Variants in LANCL2 observed in about 807,000 individuals in gnomAD.
LANCL2 encodes the protein lanC-like protein 2.
Under a neutral mutation model 56.9 loss-of-function variants are expected in LANCL2, and 33 were observed. The observed-to-expected ratio is 0.58, with a 90% CI of 0.44 to 0.78. The LOEUF is 0.78. LANCL2 is among the 30% of genes least tolerant of loss of function. The probability of loss-of-function intolerance (pLI) is 0.00; values close to 1 mark genes in which losing one functional copy is unlikely to be tolerated. For synonymous variants in LANCL2, 233 were observed against 228.2 expected (o/e 1.02, Z -0.19); for missense variants, 562 against 580.2 (o/e 0.97, Z 0.32).
intron 6 of LANCL2, among the ~76,000 whole-genome samples, chr7:55,413,100 G>T (rs1404217511): frequency 6.6e-6 from 1 of 152,198 alleles, no homozygotes; most frequent in African/African-American, 2.4e-5. Context: ...AACTCAGAAA[G>T]TTACGACGTT....
intron 1 of LANCL2, among the ~76,000 whole-genome samples, chr7:55,375,589 C>T (rs965520891): frequency 3.3e-5 from 5 of 152,148 alleles, no homozygotes; most frequent in Non-Finnish European, 5.9e-5. Flanking sequence ...TGTATTTTTC[C>T]GTTGTTGCCA....
chr7:55,405,715 A>C (rs1790398689), intron 5 of LANCL2, among the ~76,000 whole-genome samples: 1 of 151,780 alleles, frequency 6.6e-6, no homozygotes, highest in Admixed American at 6.6e-5. Flanking sequence ...GAACCATGCC[A>C]GTGTCTTTCA....
chr7:55,380,642 G>A (rs1191889839), intron 1 of LANCL2, among the ~76,000 whole-genome samples: 1 of 152,040 alleles, frequency 6.6e-6, no homozygotes, highest in African/African-American at 2.4e-5. Context: ...GGAGGAGGAG[G>A]GAGGTTCTAT....
intron 1 of LANCL2, among the ~76,000 whole-genome samples, chr7:55,390,932 T>C (rs1390161043): frequency 6.6e-6 from 1 of 151,760 alleles, no homozygotes; most frequent in Non-Finnish European, 1.5e-5. Flanking sequence ...TAATTCTTTT[T>C]ATATATATAT....
intron 2 of LANCL2, chr7:55,393,924 C>G (rs1425354154): frequency 6.6e-6 from 1 of 152,142 alleles, no homozygotes; most frequent in African/African-American, 2.4e-5. Context: ...AATAACATAG[C>G]TATTAGTCTC....
chr7:55,368,194 A>C (rs914021544), intron 1 of LANCL2, among the ~76,000 whole-genome samples: 1 of 152,246 alleles, frequency 6.6e-6, no homozygotes, highest in Non-Finnish European at 1.5e-5. Context: ...ACAGGAGATA[A>C]ACACTAATTC....
chr7:55,412,148 G>T, intron 6 of LANCL2, 59 bp downstream of exon 6: 1 of 1,529,952 alleles, frequency 6.5e-7, no homozygotes, highest in Non-Finnish European at 8.9e-7. Context: ...TCCCTGTCAG[G>T]TTTTGGGTCT....
chr7:55,387,903 CTTTTCT>C (rs1583748004), intron 1 of LANCL2, among the ~76,000 whole-genome samples: 2 of 152,144 alleles, frequency 1.3e-5, no homozygotes, highest in South Asian at 4.1e-4. Flanking sequence ...ACCTCTTTTC[CTTTTCT>C]TCTTTAACTT....
chr7:55,401,395 C>CA, intron 5 of LANCL2, 75 bp downstream of exon 5: 1 of 1,339,678 alleles, frequency 7.5e-7, no homozygotes, highest in Non-Finnish European at 1.0e-6. Flanking sequence ...TGCATATAAA[C>CA]AAAGCAGTCT....
chr7:55,426,026 C>T (rs980163218), intron 7 of LANCL2, among the ~76,000 whole-genome samples: 3 of 152,178 alleles, frequency 2.0e-5, no homozygotes, highest in African/African-American at 4.8e-5. Context: ...CTCTTGTTTC[C>T]GCTGGACCTG....
rs1293674571 is a variant in LANCL2, at chr7:55,366,124, C to T, written c.99C>T (p.Ala33=). Residue 33 remains alanine (A), a synonymous_variant, in exon 1 of 9, where the codon GCC becomes GCT. Coordinates refer to ENST00000254770, the MANE Select transcript of LANCL2 (RefSeq NM_018697.4). ...AFVNPFPDYE[A]AAGALLASGA... is the part of the protein sequence containing the mutation. ...TCAACCCCTTCCCGGACTACGAGGC[C>T]GCCGCCGGGGCGCTGCTCGCCTCCG... The T allele has an allele frequency of 6.5e-7, 1 of 1,545,704 alleles. No homozygotes were observed.
At chr7:55,414,875 C>G (rs1490962144) in intron 6 of LANCL2, among the ~76,000 whole-genome samples, 1 of 149,270 alleles carries the variant, frequency 6.7e-6, no homozygotes, top group Non-Finnish European at 1.5e-5. Context: ...TCCCAGGTAC[C>G]TAGGAGGCTG....
At chr7:55,431,190 T>C (rs538831688) in intron 8 of LANCL2, 36 bp from the exon 9 acceptor site, 6 of 1,479,638 alleles carry the variant, frequency 4.1e-6, no homozygotes, top group Non-Finnish European at 5.6e-6. Flanking sequence ...ACTACCCTTA[T>C]GCCATTCCTA....
At chr7:55,419,367 G>A (rs1441581754) in intron 6 of LANCL2, among the ~76,000 whole-genome samples, 21 of 140,850 alleles carry the variant, frequency 1.5e-4, no homozygotes. Flanking sequence ...GTTTAGTAAG[G>A]TCTGAAGTGA....
At chr7:55,371,073 C>T (rs554190618) in intron 1 of LANCL2, among the ~76,000 whole-genome samples, 5 of 152,194 alleles carry the variant, frequency 3.3e-5, no homozygotes, top group Non-Finnish European at 7.3e-5. Flanking sequence ...ATCCCACATC[C>T]AGTGCATTTT....
intron 1 of LANCL2, among the ~76,000 whole-genome samples, chr7:55,383,366 A>G (rs1027512573): frequency 6.6e-6 from 1 of 152,172 alleles, no homozygotes; most frequent in African/African-American, 2.4e-5. Context: ...AGGAGGCAGT[A>G]TCTGATTTAC....
At chr7:55,414,916 G>A (rs1040686676) in intron 6 of LANCL2, among the ~76,000 whole-genome samples, 2 of 149,134 alleles carry the variant, frequency 1.3e-5, no homozygotes, top group African/African-American at 5.0e-5. Context: ...CCTGGGAGGC[G>A]GAGGTTGCAG....
rs201948527 is a variant in LANCL2, at chr7:55,411,920, T to C, written c.839T>C (p.Val280Ala). 86 of 1,610,794 alleles carry C rather than the reference T, an allele frequency of 5.3e-5. No homozygotes were observed. The highest frequency in any genetic ancestry group is 7.0e-5 in the Non-Finnish European group (82 of 1,178,084). Reference sequence around the variant, plus strand: ...GTTTGTTTAAAGCCGGCAGCAAAAGTGGACCAAGAAACCTTGACAGAAATG... The same window carrying C: ...GTTTGTTTAAAGCCGGCAGCAAAAGCGGACCAAGAAACCTTGACAGAAATG... ...YYMLMQPAAK[V>A]DQETLTEMVK... The change falls in exon 6 of 9, where the codon GTG becomes GCG. Residue 280 changes from valine to alanine, a missense_variant. Val to Ala is a moderately conservative substitution (Grantham distance 64). Transcript: ENST00000254770.
At chr7:55,405,717 T>C (rs1300481886) in intron 5 of LANCL2, among the ~76,000 whole-genome samples, 1 of 152,002 alleles carries the variant, frequency 6.6e-6, no homozygotes, top group East Asian at 1.9e-4. Flanking sequence ...ACCATGCCAG[T>C]GTCTTTCATG....
Sources: gnomAD v4.1 joint callset for allele counts (sites outside exome capture counted in the v4.1 genomes callset) on GRCh38, gnomAD v4.1.1 for gene constraint, MANE v1.5 for transcripts, NCBI Gene and HGNC (gene_info 2026-07-23, HGNC 2026-07-21) for gene names.